Variants in CARMIL1 observed in about 807,000 individuals in gnomAD.
CARMIL1 encodes capping protein regulator and myosin 1 linker 1, also known as F-actin-uncapping protein LRRC16A.
CARMIL1 carries 90 observed loss-of-function variants against 177.1 expected under a neutral mutation model. That is an observed-to-expected ratio of 0.51 (90% confidence interval 0.43 to 0.61). The LOEUF (loss-of-function observed/expected upper bound fraction) is 0.61. Among genes scored for constraint, CARMIL1 ranks in the 20% least tolerant of loss-of-function variants. CARMIL1 has a pLI of 0.00. For synonymous variants in CARMIL1, 577 were observed against 606.2 expected, an observed-to-expected ratio of 0.95 and a Z score of 0.71; for missense variants, 1,380 against 1,667.0, an observed-to-expected ratio of 0.83 and a Z score of 3.00.
intron 2 of CARMIL1, among the ~76,000 whole-genome samples, chr6:25,345,909 G>A (rs755044226): frequency 6.6e-5 from 10 of 152,220 alleles, no homozygotes; most frequent in East Asian, 1.9e-4. Context: ...GAGCCACTGC[G>A]CCCAGTCTGG....
Position 25,550,893 on chromosome 6 carries a change from C to T in CARMIL1, c.2329-17C>T. On this transcript the variant is annotated splice_polypyrimidine_tract_variant and intron_variant, in intron 26 of 36. Coordinates refer to ENST00000329474, the MANE Select transcript of CARMIL1 (RefSeq NM_017640.6). Reference sequence around the variant, plus strand: ...GCAGTGTCATCATCTCTTCCCTTCACTTGTGCTGCATTGCAGGCGTTGCTT... The same window carrying T: ...GCAGTGTCATCATCTCTTCCCTTCATTTGTGCTGCATTGCAGGCGTTGCTT... 3 of 1,609,364 alleles carry T rather than the reference C, an allele frequency of 1.9e-6. No homozygotes were observed. Among genetic ancestry groups the T allele is most frequent in the Non-Finnish European group, 2.5e-6 (3 of 1,177,284 alleles).
At chr6:25,342,407 C>T (rs1787037843) in intron 2 of CARMIL1, among the ~76,000 whole-genome samples, 1 of 152,154 alleles carries the variant, frequency 6.6e-6, no homozygotes, top group Admixed American at 6.5e-5. Context: ...CTGCAGCTCA[C>T]CTGTGGACTT....
intron 20 of CARMIL1, among the ~76,000 whole-genome samples, chr6:25,513,881 AT>A (rs1805697617): frequency 6.6e-6 from 1 of 152,184 alleles, no homozygotes; most frequent in African/African-American, 2.4e-5. Context: ...GGCTAGGACA[AT>A]ATAGAGGACC....
At chr6:25,287,455 T>C (rs1781603822) in intron 2 of CARMIL1, 1 of 152,620 alleles carries the variant, frequency 6.6e-6, no homozygotes, top group African/African-American at 2.4e-5. Flanking sequence ...AGTGAAGCAA[T>C]GGGATTGGAG....
At chr6:25,434,129 T>C (rs1431224588) in intron 4 of CARMIL1, among the ~76,000 whole-genome samples, 1 of 152,180 alleles carries the variant, frequency 6.6e-6, no homozygotes, top group Non-Finnish European at 1.5e-5. Flanking sequence ...CTTGAACTCC[T>C]AGGCTCAAGC....
chr6:25,426,316 G>T (rs1000860774), intron 3 of CARMIL1, among the ~76,000 whole-genome samples, 185 bp from the exon 4 acceptor site: 2 of 151,046 alleles, frequency 1.3e-5, no homozygotes, highest in Non-Finnish European at 2.9e-5. Context: ...GATAAATCAT[G>T]TTTCTATCTT....
rs756030944 is a variant in CARMIL1, at chr6:25,491,857, G to T, written c.1143+48G>T. ...TCTTGCTCTGAGGGGTCTCAGAAGA[G>T]CTATTTAGATGGGATGTAGGGGACC... On this transcript the variant is annotated intron_variant, in intron 14 of 36. Coordinates refer to ENST00000329474, the MANE Select transcript of CARMIL1 (RefSeq NM_017640.6). 3 of 1,521,048 alleles carry T rather than the reference G, an allele frequency of 2.0e-6. No homozygotes were observed. In the Admixed American group the frequency reaches 5.4e-5, roughly 27 times the overall value. 94.2% of individuals were successfully genotyped at this position (1,521,048 alleles called of 1,614,324 possible).
At chr6:25,544,631 A>T (rs1562270703) in intron 26 of CARMIL1, among the ~76,000 whole-genome samples, 1 of 150,998 alleles carries the variant, frequency 6.6e-6, no homozygotes, top group Non-Finnish European at 1.5e-5. Flanking sequence ...ACACACACAC[A>T]CACACACACA....
Position 25,449,947 on chromosome 6 carries a change from C to A in CARMIL1, c.421C>A (p.Leu141Ile). Residue 141 changes from leucine (L) to isoleucine (I), a missense_variant, in exon 6 of 37, where the codon CTC becomes ATC. Leu to Ile is a conservative substitution (Grantham distance 5). Transcript: ENST00000329474. The stretch of plus-strand genomic sequence containing the variant: ...GGAGCCATCTGAGCGCCTGGCTAGT[C>A]TCCAGGCGCTGTGGGACAGCCAGAC... ...SMEPSERLAS[L>I]QALWDSQTVA... is the part of the protein sequence containing the mutation. 6.2e-7 allele frequency: 1 copy of A among 1,612,176 alleles called. No homozygotes were observed. The highest frequency in any genetic ancestry group is 1.1e-5 in the South Asian group (1 of 90,888).
rs1812710429 is a variant in CARMIL1 at position 25,577,540 on chromosome 6, G to A, written c.2743-3384G>A. ...GAGAGTGTTATTTATTATTCTTTGA[G>A]CAAATGTGGCAAAAACAAAGCACCT... is the stretch of plus-strand genomic sequence containing the variant. On this transcript the variant is annotated intron_variant, in intron 29 of 36. Transcript: ENST00000329474. This position sits in a 1 kb window ranked among gnomAD's most constrained non-coding sequence, Gnocchi z 4.5. Among the ~76,000 whole-genome samples the A allele has an allele frequency of 6.6e-6, 1 of 151,368 alleles. No homozygotes were observed. The highest frequency in any genetic ancestry group is 6.6e-5 in the Admixed American group (1 of 15,206).
chr6:25,525,231 T>C (rs1806976468), intron 23 of CARMIL1, among the ~76,000 whole-genome samples: 2 of 152,190 alleles, frequency 1.3e-5, no homozygotes, highest in South Asian at 2.1e-4. Context: ...TTAGAGAACA[T>C]AGACTAAAAA....
chr6:25,314,577 C>CACATATAT (rs1784130053), intron 2 of CARMIL1, among the ~76,000 whole-genome samples: 4 of 151,732 alleles, frequency 2.6e-5, no homozygotes, highest in African/African-American at 7.3e-5. Flanking sequence ...TACATTCACA[C>CACATATAT]ATGCACTTAT....
chr6:25,587,531 T>A (rs1331208522), intron 31 of CARMIL1, among the ~76,000 whole-genome samples: 1 of 151,324 alleles, frequency 6.6e-6, no homozygotes, highest in Non-Finnish European at 1.5e-5. Flanking sequence ...TTAAAAACAT[T>A]GTTGTTCAAA....
intron 2 of CARMIL1, among the ~76,000 whole-genome samples, chr6:25,392,798 A>G (rs1793005562): frequency 6.6e-6 from 1 of 152,230 alleles, no homozygotes; most frequent in South Asian, 2.1e-4. Context: ...TTTTATAATC[A>G]GAAACTATTA....
chr6:25,352,869 T>C (rs188989904), intron 2 of CARMIL1, among the ~76,000 whole-genome samples: 1 of 152,338 alleles, frequency 6.6e-6, no homozygotes, highest in African/African-American at 2.4e-5. Flanking sequence ...TGAGCTAAAG[T>C]CACTTAATAA....
intron 32 of CARMIL1, among the ~76,000 whole-genome samples, chr6:25,597,418 A>G (rs1015989690): frequency 6.6e-6 from 1 of 152,146 alleles, no homozygotes; most frequent in East Asian, 1.9e-4. Flanking sequence ...GTTAGATCGT[A>G]TACTGTGATT....
At chr6:25,510,422 T>A in intron 18 of CARMIL1, 85 bp from the exon 19 acceptor site, 1 of 783,132 alleles carries the variant, frequency 1.3e-6, no homozygotes, top group Non-Finnish European at 2.1e-6. Context: ...TCCAACTATA[T>A]GTCACCTTTG....
intron 28 of CARMIL1, 120 bp from the exon 29 acceptor site, chr6:25,556,581 T>C: frequency 1.3e-6 from 1 of 793,296 alleles, no homozygotes. Flanking sequence ...AGAATTGTCC[T>C]TGTCACTCGT....
intron 4 of CARMIL1, among the ~76,000 whole-genome samples, chr6:25,432,145 A>C (rs1796846772): frequency 6.6e-6 from 1 of 152,164 alleles, no homozygotes. Context: ...TTTTTTAACA[A>C]GTGCACCATT....
Sources: gnomAD v4.1 joint callset for allele counts (sites outside exome capture counted in the v4.1 genomes callset) on GRCh38, gnomAD v4.1.1 for gene constraint, Gnocchi (gnomAD v3.1) non-coding constraint, MANE v1.5 for transcripts, NCBI Gene and HGNC (gene_info 2026-07-23, HGNC 2026-07-21) for gene names.